Variants in UFC1 observed in about 807,000 individuals in gnomAD.
UFC1 encodes the protein ubiquitin-fold modifier-conjugating enzyme 1.
A neutral mutation model predicts 28.0 loss-of-function variants in UFC1; 22 were observed. That is an observed-to-expected ratio of 0.78 (90% CI 0.56 to 1.12). The LOEUF (loss-of-function observed/expected upper bound fraction) is 1.12. Among genes scored for constraint, UFC1 ranks in the 50% most tolerant of loss-of-function variants. The pLI is 0.00. For missense variants in UFC1, 189 were observed against 207.8 expected, an observed-to-expected ratio of 0.91 and a Z score of 0.56; for synonymous variants, 61 against 74.5, an observed-to-expected ratio of 0.82 and a Z score of 0.93.
Position 161,157,613 on chromosome 1 carries a change from C to G in UFC1, c.256-4C>G, listed in dbSNP as rs1345804364. On this transcript the variant is annotated splice_polypyrimidine_tract_variant and splice_region_variant and intron_variant, in intron 3 of 5. Transcript: ENST00000368003. ...GTTTTATTAAGGTTTTATAATTTCTCCAGATTCCTATCACATATCCTACTA... is the reference window on the plus strand; with the variant it reads ...GTTTTATTAAGGTTTTATAATTTCTGCAGATTCCTATCACATATCCTACTA... 6 of 1,612,632 alleles carry G rather than the reference C, an allele frequency of 3.7e-6. No individual in the cohort carries two copies. Among genetic ancestry groups the G allele is most frequent in the African/African-American group, 1.3e-5 (1 of 74,844 alleles).
At chr1:161,155,656 T>C (rs1207580313) in intron 1 of UFC1, among the ~76,000 whole-genome samples, 3 of 152,086 alleles carry the variant, frequency 2.0e-5, no homozygotes, top group Admixed American at 1.3e-4. Context: ...GTTGTGAGGA[T>C]AGAGAGGAGA....
At chr1:161,157,368 A>C (rs1210091653) in intron 3 of UFC1, 51 bp downstream of exon 3, 5 of 1,599,720 alleles carry the variant, frequency 3.1e-6, no homozygotes, top group Non-Finnish European at 4.3e-6. Context: ...GGGAGGGATT[A>C]GATGATGGGT....
rs1181069538 is a variant in UFC1, at chr1:161,154,219, A to C, written c.123+99A>C. ...CGTGTGGAAGCCGCTTCCGGTTTTT[A>C]AGTTTAACGCCCAAATTCATAGAAA... On this transcript the variant is annotated intron_variant, in intron 1 of 5. Coordinates refer to ENST00000368003, the MANE Select transcript of UFC1 (RefSeq NM_016406.4). 5 of 1,536,526 alleles carry C rather than the reference A, an allele frequency of 3.3e-6. No individual in the cohort carries two copies. The South Asian group carries it at 6.0e-5, about 18-fold the overall frequency.
rs186713943 is a variant in UFC1, at chr1:161,156,684, A to G, written c.124-266A>G. On this transcript the variant is annotated intron_variant, in intron 1 of 5. Transcript: ENST00000368003. ...TGGCAAAACCCCGTCTCTACTAAAA[A>G]TACAAAAATTATCCGGGCATGGTGG... is the stretch of plus-strand genomic sequence containing the variant. Among the ~76,000 whole-genome samples, 483 of 152,116 alleles carry G rather than the reference A, an allele frequency of 3.2e-3. 5 individuals carry two copies. Among genetic ancestry groups the G allele is most frequent in the South Asian group, 0.02 (96 of 4,820 alleles).
chr1:161,155,270 G>A (rs1418786185), intron 1 of UFC1, among the ~76,000 whole-genome samples: 3 of 152,174 alleles, frequency 2.0e-5, no homozygotes, highest in Non-Finnish European at 2.9e-5. Context: ...AAGCTAGCCT[G>A]ATAAAACATA....
chr1:161,157,991 G>C, intron 4 of UFC1, 130 bp from the exon 5 acceptor site: 1 of 817,486 alleles, frequency 1.2e-6, no homozygotes, highest in South Asian at 1.7e-5. Flanking sequence ...CCTTTGCTGA[G>C]CCTAAGCAAA....
chr1:161,157,853 G>T, intron 4 of UFC1, 160 bp downstream of exon 4: 1 of 664,438 alleles, frequency 1.5e-6, no homozygotes, highest in Non-Finnish European at 2.7e-6. Context: ...GTTTACCTAT[G>T]TAACAAACCT....
chr1:161,156,224 T>C (rs1277841742), intron 1 of UFC1, among the ~76,000 whole-genome samples: 2 of 152,136 alleles, frequency 1.3e-5, no homozygotes, highest in Non-Finnish European at 2.9e-5. Context: ...TTAGAAAAAT[T>C]AGGTAAACAT....
rs1031499629 is a variant in UFC1 at position 161,158,709 on chromosome 1, G to C, written c.*217G>C. On this transcript the variant is annotated 3_prime_UTR_variant, in exon 6 of 6. Transcript: ENST00000368003. ...AGGCTGCACAGGGAAGGGAAAGACT[G>C]GGCTTTGGACAATCTAGAGGTAATT... 3.4e-6 allele frequency: 2 copies of C among 589,254 alleles called. No homozygotes were observed. Among genetic ancestry groups the C allele is most frequent in the Non-Finnish European group, 6.0e-6 (2 of 331,046 alleles). 36.5% of individuals were successfully genotyped at this position (589,254 alleles called of 1,614,324 possible).
intron 4 of UFC1, 24 bp downstream of exon 4, chr1:161,157,717 A>G (rs769928986): frequency 3.1e-6 from 5 of 1,603,200 alleles, no homozygotes; most frequent in Non-Finnish European, 3.4e-6. Context: ...GGAGATGGCA[A>G]AGAGTCAAAG....
At chr1:161,156,255 G>C (rs2101789544) in intron 1 of UFC1, among the ~76,000 whole-genome samples, 1 of 152,242 alleles carries the variant, frequency 6.6e-6, no homozygotes, top group South Asian at 2.1e-4. Flanking sequence ...AGTAGGCTGG[G>C]CGTGGTGGCT....
At position 161,157,619 on chromosome 1, in the gene UFC1, T is replaced by G; in HGVS notation, c.258T>G (p.Ile86Met). 2 of 1,613,506 alleles carry G rather than the reference T, an allele frequency of 1.2e-6. No individual in the cohort carries two copies. The highest frequency in any genetic ancestry group is 1.7e-6 in the Non-Finnish European group (2 of 1,179,424). ...LKYEFDIEFD[I>M]PITYPTTAPE... The stretch of plus-strand genomic sequence containing the variant: ...TTAAGGTTTTATAATTTCTCCAGAT[T>G]CCTATCACATATCCTACTACTGCCC... Residue 86 changes from isoleucine (I) to methionine (M), a missense_variant and splice_region_variant, in exon 4 of 6, where the codon ATT becomes ATG. Transcript: ENST00000368003.
chr1:161,154,457 G>A (rs186156415), intron 1 of UFC1, among the ~76,000 whole-genome samples: 16 of 152,172 alleles, frequency 1.1e-4, no homozygotes, highest in African/African-American at 3.9e-4. Flanking sequence ...CTCCCAGTCC[G>A]CATCTCTCTG....
chr1:161,158,586 C>A lies in UFC1; in HGVS notation c.*94C>A. ...CACTTAACTCATCTAACTGCTTCCCCGGACACCCTCCACCTCTAGTTGTTA... is the reference window on the plus strand; with the variant it reads ...CACTTAACTCATCTAACTGCTTCCCAGGACACCCTCCACCTCTAGTTGTTA... On this transcript the variant is annotated 3_prime_UTR_variant, in exon 6 of 6. Transcript: ENST00000368003. 1 of 1,335,720 alleles carries A rather than the reference C, an allele frequency of 7.5e-7. No homozygotes were observed. The highest frequency in any genetic ancestry group is 1.1e-6 in the Non-Finnish European group (1 of 940,812). The allele number at this position is 1,335,720 out of a possible 1,614,324, so 82.7% of individuals were successfully genotyped here. A position where few individuals can be genotyped will look rare whatever the true frequency, so the allele number is the denominator to read the frequency against.
intron 3 of UFC1, 108 bp downstream of exon 3, chr1:161,157,425 G>A: frequency 6.8e-7 from 1 of 1,470,670 alleles, no homozygotes; most frequent in Non-Finnish European, 9.5e-7. Flanking sequence ...TTTAAAAATG[G>A]GAGAGAAAAG....
At chr1:161,157,905 G>GAAAA in intron 4 of UFC1, 1 of 535,712 alleles carries the variant, frequency 1.9e-6, no homozygotes, top group Non-Finnish European at 3.3e-6. Context: ...AAGATGTAAG[G>GAAAA]AAAAAAAAAA....
At position 161,154,554 on chromosome 1, in the gene UFC1, G is replaced by C. The variant is rs573647600; in HGVS notation, c.123+434G>C. ...GGCTGGAGTGCAGTGGCGCGATCTC[G>C]GCTCACTGCAACCTCCGACTCCCGG... On this transcript the variant is annotated intron_variant, in intron 1 of 5. Transcript: ENST00000368003. Among the ~76,000 whole-genome samples the C allele has an allele frequency of 1.8e-3, 270 of 152,192 alleles. 2 individuals are homozygous for C. The highest frequency in any genetic ancestry group is 6.1e-3 in the African/African-American group (252 of 41,510).
In UFC1 at chr1:161,158,658, C is replaced by T. The variant is rs916976934; in HGVS notation, c.*166C>T. On this transcript the variant is annotated 3_prime_UTR_variant, in exon 6 of 6. Coordinates refer to ENST00000368003, the MANE Select transcript of UFC1 (RefSeq NM_016406.4). ...TGCTGGGGAAGAAACAAACACACAC[C>T]AAACAGTACTGCTACTTAGTTTCTA... 6.4e-5 allele frequency: 44 copies of T among 689,696 alleles called. No homozygotes were observed. Among genetic ancestry groups the T allele is most frequent in the Non-Finnish European group, 1.1e-4 (44 of 393,490 alleles). 42.7% of individuals were successfully genotyped at this position (689,696 alleles called of 1,614,324 possible). A position where few individuals can be genotyped will look rare whatever the true frequency, so the allele number is the denominator to read the frequency against.
intron 2 of UFC1, 43 bp downstream of exon 2, chr1:161,157,060 T>A: frequency 6.3e-7 from 1 of 1,594,676 alleles, no homozygotes; most frequent in Non-Finnish European, 8.6e-7. Flanking sequence ...GAGTCTTATA[T>A]GAGTTAGGCA....
Sources: allele counts gnomAD v4.1 joint callset (sites outside exome capture counted in the v4.1 genomes callset), GRCh38; gene constraint gnomAD v4.1.1; transcripts MANE v1.5; gene names NCBI Gene and HGNC (gene_info 2026-07-23, HGNC 2026-07-21).